MCHR2: variants seen among roughly 807,000 people sequenced by gnomAD.
MCHR2 encodes melanin concentrating hormone receptor 2, also known as melanin-concentrating hormone receptor 2.
MCHR2 carries 15 observed loss-of-function variants against 24.8 expected under a neutral mutation model. The ratio of observed to expected loss-of-function variants is 0.60; its 90% CI spans 0.40 to 0.93. The LOEUF is 0.93. Ranked by LOEUF, MCHR2 falls within the 40% of genes least tolerant of loss-of-function variation. The pLI, the probability that MCHR2 is intolerant of heterozygous loss-of-function variation, is 0.00. For synonymous variants in MCHR2, 151 were observed against 147.6 expected, an observed-to-expected ratio of 1.02 and a Z score of -0.17; for missense variants, 386 against 408.7, an observed-to-expected ratio of 0.94 and a Z score of 0.48.
At position 99,974,640 on chromosome 6, in the gene MCHR2, T is replaced by C. The variant is rs193011543; in HGVS notation, c.-27-18466A>G. Among the ~76,000 whole-genome samples the C allele has an allele frequency of 1.9e-4, 29 of 152,338 alleles. 2 individuals are homozygous for C. The East Asian group carries it at 5.6e-3, about 29-fold the overall frequency. ...CTTTGGTGGAGGAGAGGCGCTCTGC[T>C]TTTTAGAGTTTCCAGTTTTTCTGCT... On this transcript the variant is annotated intron_variant, in intron 1 of 5. Transcript: ENST00000281806.
chr6:99,951,396 TGA>T (rs1368105774), intron 2 of MCHR2, among the ~76,000 whole-genome samples: 1 of 151,922 alleles, frequency 6.6e-6, no homozygotes, highest in Non-Finnish European at 1.5e-5. Context: ...CTGCTAAGGG[TGA>T]GAGAGTTTAT....
chr6:99,946,543 A>ACATT (rs528441368), intron 3 of MCHR2, among the ~76,000 whole-genome samples: 5 of 152,092 alleles, frequency 3.3e-5, no homozygotes, highest in South Asian at 2.1e-4. Context: ...ACCCTTCAAG[A>ACATT]CATTCATTCA....
At chr6:99,954,165 T>C (rs1314391774) in intron 2 of MCHR2, among the ~76,000 whole-genome samples, 1 of 152,152 alleles carries the variant, frequency 6.6e-6, no homozygotes, top group Admixed American at 6.6e-5. Context: ...GGAAATAGCC[T>C]TGGATTCGGA....
At chr6:99,960,019 A>C (rs184741520) in intron 1 of MCHR2, among the ~76,000 whole-genome samples, 154 of 152,170 alleles carry the variant, frequency 1.0e-3, no homozygotes, top group African/African-American at 3.4e-3. Flanking sequence ...ATCCAGATTC[A>C]AGAAGACCAG....
chr6:99,983,112 C>T (rs753777442), intron 1 of MCHR2, among the ~76,000 whole-genome samples: 1 of 148,378 alleles, frequency 6.7e-6, no homozygotes, highest in African/African-American at 2.4e-5. Flanking sequence ...AGGAGGGCAC[C>T]ACCATGCCCA....
In MCHR2 at chr6:99,921,096, G is replaced by C; in HGVS notation, c.867C>G (p.Tyr289Ter). ...QPTLAFYVGY[Y>*]LSICLSYASS... Reference sequence around the variant, plus strand: ...TGGCATAGCTGAGACAGATGGAGAGGTAATAACCCACATAGAAGGCCAGTG... The same window carrying C: ...TGGCATAGCTGAGACAGATGGAGAGCTAATAACCCACATAGAAGGCCAGTG... Residue 289 changes from tyrosine to a stop codon, truncating the protein, a stop_gained, in exon 6 of 6, where the codon TAC becomes TAG. Transcript: ENST00000281806. LOFTEE classifies it low-confidence loss of function (END_TRUNC). The C allele has an allele frequency of 6.2e-7, 1 of 1,614,166 alleles. No homozygotes were observed. Among genetic ancestry groups the C allele is most frequent in the Admixed American group, 1.7e-5 (1 of 60,016 alleles).
At chr6:99,944,469 A>G (rs1439555922) in intron 3 of MCHR2, among the ~76,000 whole-genome samples, 1 of 152,186 alleles carries the variant, frequency 6.6e-6, no homozygotes, top group Admixed American at 6.6e-5. Flanking sequence ...ACTCACAAAA[A>G]TAACAAATTT....
In MCHR2 at chr6:99,956,223, A is replaced by T; in HGVS notation, c.-27-49T>A. 2.4e-6 allele frequency: 3 copies of T among 1,265,060 alleles called. No homozygotes were observed. In the South Asian group the frequency reaches 4.8e-5, roughly 20 times the overall value. 78.4% of individuals were successfully genotyped at this position (1,265,060 alleles called of 1,614,324 possible). On this transcript the variant is annotated intron_variant, in intron 1 of 5. Coordinates refer to ENST00000281806, the MANE Select transcript of MCHR2 (RefSeq NM_001040179.2). ...TATTTAGTGAACATTCCCTCAATAT[A>T]ACTTCCTTTACCTAATTCAAATAAT...
chr6:99,953,725 C>A (rs897521067), intron 2 of MCHR2, among the ~76,000 whole-genome samples: 3 of 151,646 alleles, frequency 2.0e-5, no homozygotes, highest in Non-Finnish European at 4.4e-5. Flanking sequence ...TAGGGCAATG[C>A]AGGGCATGCA....
intron 2 of MCHR2, among the ~76,000 whole-genome samples, chr6:99,952,692 A>T (rs934730435): frequency 5.9e-5 from 9 of 152,168 alleles, no homozygotes; most frequent in Non-Finnish European, 1.3e-4. Flanking sequence ...AAAAGTTGAT[A>T]AATTCCTAGC....
In MCHR2 at chr6:99,925,474, C is replaced by T. The variant is rs111401696; in HGVS notation, c.708-4219G>A. Among the ~76,000 whole-genome samples, 1,082 of 152,176 alleles carry T rather than the reference C, an allele frequency of 7.1e-3. 6 individuals carry two copies. Among genetic ancestry groups the T allele is most frequent in the Non-Finnish European group, 0.012 (784 of 67,974 alleles). ...CTGGTTGTTTTGCGTTCTCTTCCTT[C>T]TTTCTTTCCTTCCTGTCTTCCTTTA... On this transcript the variant is annotated intron_variant, in intron 5 of 5. Coordinates refer to ENST00000281806, the MANE Select transcript of MCHR2 (RefSeq NM_001040179.2).
rs551833678 is a variant in MCHR2, at chr6:99,927,171, C to T, written c.708-5916G>A. ...AGATATGCAGTGTTATTTCTGAGGGCTCTGTTCTGTTCCATTGATCTATAT... is the reference window on the plus strand; with the variant it reads ...AGATATGCAGTGTTATTTCTGAGGGTTCTGTTCTGTTCCATTGATCTATAT... On this transcript the variant is annotated intron_variant, in intron 5 of 5. Coordinates refer to ENST00000281806, the MANE Select transcript of MCHR2 (RefSeq NM_001040179.2). Among the ~76,000 whole-genome samples the T allele has an allele frequency of 1.1e-4, 17 of 152,238 alleles. No individual in the cohort carries two copies. The South Asian group carries it at 3.5e-3, about 32-fold the overall frequency.
intron 4 of MCHR2, among the ~76,000 whole-genome samples, chr6:99,941,648 C>A (rs1201160707): frequency 6.6e-6 from 1 of 152,112 alleles, no homozygotes; most frequent in African/African-American, 2.4e-5. Flanking sequence ...TCTTTTGCCA[C>A]ATAAGGACAA....
At chr6:99,926,153 A>C (rs1256274227) in intron 5 of MCHR2, among the ~76,000 whole-genome samples, 3 of 152,172 alleles carry the variant, frequency 2.0e-5, no homozygotes, top group Non-Finnish European at 4.4e-5. Context: ...GTCCCTATAA[A>C]GGACATGAAC....
intron 4 of MCHR2, among the ~76,000 whole-genome samples, chr6:99,940,790 C>T (rs1244231374): frequency 6.6e-6 from 1 of 152,094 alleles, no homozygotes; most frequent in Non-Finnish European, 1.5e-5. Context: ...TGCTTTGGCT[C>T]TAGTGACCCA....
At position 99,947,868 on chromosome 6, in the gene MCHR2, C is replaced by A; in HGVS notation, c.286G>T (p.Gly96Trp). 3 of 1,613,760 alleles carry A rather than the reference C, an allele frequency of 1.9e-6. No individual in the cohort carries two copies. Among genetic ancestry groups the A allele is most frequent in the South Asian group, 1.1e-5 (1 of 91,080 alleles). The change falls in exon 3 of 6, where the codon GGG (glycine) becomes TGG (tryptophan). Residue 96 changes from glycine (G) to tryptophan (W), a missense_variant. By Grantham distance (184) the Gly-to-Trp change is radical. Coordinates refer to ENST00000281806, the MANE Select transcript of MCHR2 (RefSeq NM_001040179.2). ...MPFLIHQWAR[G>W]GEWVFGGPLC... ...GGCCCCCCAAACACCCACTCTCCCC[C>A]TCGGGCCCATTGGTGAATAAGAAAA...
rs571436225 is a variant in MCHR2 at position 99,958,537 on chromosome 6, G to GA, written c.-27-2364dup. ...AAAACCAGAAAAATTTGATTACAAT[G>GA]AAAAAAAAAATCTGTTCATTAAAAG... On this transcript the variant is annotated intron_variant, in intron 1 of 5. Coordinates refer to ENST00000281806, the MANE Select transcript of MCHR2 (RefSeq NM_001040179.2). 2.0e-3 allele frequency among the ~76,000 whole-genome samples: 292 copies of GA among 149,500 alleles called. 1 individual carries two copies. Among genetic ancestry groups the GA allele is most frequent in the African/African-American group, 6.2e-3 (252 of 40,864 alleles).
intron 4 of MCHR2, among the ~76,000 whole-genome samples, chr6:99,935,058 A>G (rs577272011): frequency 2.0e-5 from 3 of 152,096 alleles, no homozygotes; most frequent in South Asian, 2.1e-4. Context: ...AATATTATCT[A>G]TGTTTCTTCT....
chr6:99,961,439 A>G (rs1368336741), intron 1 of MCHR2, among the ~76,000 whole-genome samples: 1 of 152,218 alleles, frequency 6.6e-6, no homozygotes, highest in East Asian at 1.9e-4. Context: ...TCACGGTAGC[A>G]AAGACTTGGA....
Sources: gnomAD v4.1 joint callset for allele counts (sites outside exome capture counted in the v4.1 genomes callset) on GRCh38, gnomAD v4.1.1 for gene constraint, MANE v1.5 for transcripts, NCBI Gene and HGNC (gene_info 2026-07-23, HGNC 2026-07-21) for gene names.